WDPCP: variants seen among roughly 807,000 people sequenced by gnomAD.
WDPCP encodes the protein WD repeat-containing and planar cell polarity effector protein fritz homolog.
A neutral mutation model predicts 93.1 loss-of-function variants in WDPCP; 71 were observed. That is an observed-to-expected ratio of 0.76 (90% CI 0.63 to 0.93). The LOEUF is 0.93. WDPCP is among the 40% of genes least tolerant of loss of function. The pLI is 0.00. For synonymous variants in WDPCP, 315 were observed against 315.0 expected (o/e 1.00, Z 0.00); for missense variants, 844 against 887.4 (o/e 0.95, Z 0.62).
At chr2:63,644,538 G>C (rs563870832) in intron 3 of WDPCP, among the ~76,000 whole-genome samples, 39 of 152,190 alleles carry the variant, frequency 2.6e-4, no homozygotes, top group African/African-American at 9.4e-4. Context: ...CACCGTGCCC[G>C]GCCTCCCTTC....
intron 3 of WDPCP, among the ~76,000 whole-genome samples, chr2:63,646,195 T>G (rs1416978640): frequency 6.6e-6 from 1 of 152,144 alleles, no homozygotes. Flanking sequence ...GAGGTTACCA[T>G]GAAGTTTGCA....
At chr2:63,254,382 T>C (rs564224537) in intron 14 of WDPCP, among the ~76,000 whole-genome samples, 1 of 152,068 alleles carries the variant, frequency 6.6e-6, no homozygotes, top group African/African-American at 2.4e-5. Context: ...AAAATAAAAG[T>C]TGAAATTATT....
At chr2:63,789,131 G>A (rs928480691) in intron 2 of WDPCP, among the ~76,000 whole-genome samples, 5 of 152,138 alleles carry the variant, frequency 3.3e-5, no homozygotes, top group Non-Finnish European at 7.3e-5. Flanking sequence ...TAAAGAATAT[G>A]CAGACAAAAA....
chr2:63,405,531 T>TAG (rs1694496319), intron 9 of WDPCP, among the ~76,000 whole-genome samples: 1 of 119,382 alleles, frequency 8.4e-6, no homozygotes, highest in African/African-American at 3.7e-5. Context: ...GATTTTGGTA[T>TAG]AGTGTGTGTG....
intron 11 of WDPCP, among the ~76,000 whole-genome samples, chr2:63,379,002 G>C (rs987249043): frequency 6.6e-6 from 1 of 152,046 alleles, no homozygotes; most frequent in Non-Finnish European, 1.5e-5. Context: ...TAAGACAACC[G>C]TGAAAGTCCC....
At chr2:63,136,559 C>A (rs1397594263) in intron 17 of WDPCP, among the ~76,000 whole-genome samples, 1 of 151,914 alleles carries the variant, frequency 6.6e-6, no homozygotes, top group Non-Finnish European at 1.5e-5. Flanking sequence ...TTTAACTTTT[C>A]GGTTCAGGAA....
intron 1 of WDPCP, among the ~76,000 whole-genome samples, chr2:63,582,635 T>A (rs1184964679): frequency 2.0e-5 from 3 of 151,744 alleles, no homozygotes; most frequent in African/African-American, 7.3e-5. Context: ...ATGAAATTAC[T>A]CAAAACCAGT....
At chr2:63,811,807 G>T (rs1670866511) in intron 2 of WDPCP, among the ~76,000 whole-genome samples, 2 of 151,900 alleles carry the variant, frequency 1.3e-5, no homozygotes, top group African/African-American at 4.8e-5. Context: ...TTTCATCTTT[G>T]TGTTCATGTG....
At chr2:63,575,412 ATATACACTG>A (rs1558832019) in intron 1 of WDPCP, among the ~76,000 whole-genome samples, 2 of 19,836 alleles carry the variant, frequency 1.0e-4, no homozygotes, top group African/African-American at 4.8e-4. Flanking sequence ...TATATACAGT[ATATACACTG>A]TATACAGTGT....
chr2:63,557,010 TA>T (rs1278624925), intron 1 of WDPCP, among the ~76,000 whole-genome samples: 3 of 152,146 alleles, frequency 2.0e-5, no homozygotes, highest in Non-Finnish European at 4.4e-5. Context: ...CAAGAGCTCC[TA>T]AAGGAAGCAC....
intron 14 of WDPCP, among the ~76,000 whole-genome samples, chr2:63,183,078 C>T (rs748082484): frequency 1.3e-5 from 2 of 151,696 alleles, no homozygotes; most frequent in South Asian, 2.1e-4. Flanking sequence ...ATTTTATCAA[C>T]GAACCAACTT....
intron 2 of WDPCP, among the ~76,000 whole-genome samples, chr2:63,783,255 A>G (rs1380747720): frequency 6.6e-6 from 1 of 152,002 alleles, no homozygotes; most frequent in Non-Finnish European, 1.5e-5. Context: ...CTACAAAAAA[A>G]AAAAATTAAA....
chr2:63,658,321 T>G (rs1413955051), intron 2 of WDPCP, among the ~76,000 whole-genome samples: 1 of 152,184 alleles, frequency 6.6e-6, no homozygotes, highest in Non-Finnish European at 1.5e-5. Context: ...AATGTCAAAA[T>G]GCATCCCTGG....
At chr2:63,589,915 C>T (rs1232652317), upstream of WDPCP, 1 of 155,090 alleles carries the variant, frequency 6.4e-6, no homozygotes, top group East Asian at 1.9e-4. Flanking sequence ...TTTATAGTTG[C>T]GACTGTTTTT....
intron 2 of WDPCP, among the ~76,000 whole-genome samples, chr2:63,808,247 T>G (rs1274534069): frequency 6.6e-6 from 1 of 152,098 alleles, no homozygotes; most frequent in Non-Finnish European, 1.5e-5. Flanking sequence ...TTATAAAACA[T>G]AGAGAACATT....
At chr2:63,132,953 T>C (rs1670384381) in intron 17 of WDPCP, among the ~76,000 whole-genome samples, 1 of 152,176 alleles carries the variant, frequency 6.6e-6, no homozygotes, top group African/African-American at 2.4e-5. Flanking sequence ...AATAGTTATG[T>C]TGGGGATTTG....
At chr2:63,303,061 A>G (rs1685453543) in intron 13 of WDPCP, among the ~76,000 whole-genome samples, 3 of 152,246 alleles carry the variant, frequency 2.0e-5, no homozygotes. Context: ...AGATGGTACC[A>G]GAATCCTAAA....
chr2:63,599,389 T>A, intron 3 of WDPCP: 1 of 1,329,264 alleles, frequency 7.5e-7, no homozygotes, highest in Non-Finnish European at 1.0e-6. Flanking sequence ...GCTTTTTTCT[T>A]GTTTTTGTTT....
chr2:63,700,298 AAAAAAC>A lies in WDPCP; in HGVS notation n.309-49466_309-49461del, dbSNP rs1476789646. Among the ~76,000 whole-genome samples, 523 of 104,126 alleles carry A rather than the reference AAAAAAC, an allele frequency of 5.0e-3. 8 individuals are homozygous for A. Among genetic ancestry groups the A allele is most frequent in the East Asian group, 0.013 (62 of 4,860 alleles). The allele number at this position is 104,126 out of a possible 152,430, so 68.3% of individuals were successfully genotyped here. A position where few individuals can be genotyped will look rare whatever the true frequency, so the allele number is the denominator to read the frequency against. ...ACCCTGTCTCAAAAAAAAAAAAAAAAAAAAACAAAAAGAAAAAAAGAAAAAAATGCT... is the reference window on the plus strand; with the variant it reads ...ACCCTGTCTCAAAAAAAAAAAAAAAAAAAAAGAAAAAAAGAAAAAAATGCT... On this transcript the variant is annotated intron_variant and non_coding_transcript_variant, in intron 2 of 4. Coordinates refer to the WDPCP transcript ENST00000467687.
Sources: allele counts gnomAD v4.1 joint callset (sites outside exome capture counted in the v4.1 genomes callset), GRCh38; gene constraint gnomAD v4.1.1; transcripts MANE v1.5; gene names NCBI Gene and HGNC (gene_info 2026-07-23, HGNC 2026-07-21).